BLM: variants seen among roughly 807,000 people sequenced by gnomAD.
BLM encodes the protein recQ-like DNA helicase BLM.
A neutral mutation model predicts 135.3 loss-of-function variants in BLM; 95 were observed. That is an observed-to-expected ratio of 0.70 (90% CI 0.59 to 0.83). BLM has a LOEUF of 0.83. Among genes scored for constraint, BLM ranks in the 40% least tolerant of loss-of-function variants. The pLI is 0.00. For missense variants in BLM, 1,518 were observed against 1,663.9 expected (o/e 0.91, Z 1.53); for synonymous variants, 520 against 589.2 (o/e 0.88, Z 1.70).
At chr15:90,744,463 C>T (rs1895447931) in intron 1 of BLM, among the ~76,000 whole-genome samples, 1 of 152,124 alleles carries the variant, frequency 6.6e-6, no homozygotes, top group African/African-American at 2.4e-5. Flanking sequence ...ACCTCTGCCT[C>T]CCGGGTTCAA....
intron 5 of BLM, 23 bp from the exon 6 acceptor site, chr15:90,760,123 AT>A (rs1895929548): frequency 1.0e-5 from 16 of 1,602,428 alleles, no homozygotes; most frequent in Non-Finnish European, 1.4e-5. Flanking sequence ...AAAGAAAAAT[AT>A]TAACAACATA....
Position 90,815,402 on chromosome 15 carries a change from A to G in BLM, c.*123A>G. 1 of 1,065,228 alleles carries G rather than the reference A, an allele frequency of 9.4e-7. No homozygotes were observed. Among genetic ancestry groups the G allele is most frequent in the African/African-American group, 1.6e-5 (1 of 62,110 alleles). 66.0% of individuals were successfully genotyped at this position (1,065,228 alleles called of 1,614,324 possible). A position where few individuals can be genotyped will look rare whatever the true frequency, so the allele number is the denominator to read the frequency against. ...TTTTACTCGTCTCTATTAATATTTA[A>G]ATAAATGCTGGGGGGTGATAGTTCT... On this transcript the variant is annotated 3_prime_UTR_variant, in exon 22 of 22. Transcript: ENST00000355112. The surrounding 1 kb of genome is among the most constrained non-coding windows in gnomAD (Gnocchi z 4.6).
chr15:90,760,089 C>T lies in BLM; in HGVS notation c.1088-58C>T, dbSNP rs1432335606. ...TACAGTCATGAGCCACCATGCCTAG[C>T]CAAGACTTTTTTTTTTTTCCCTCAA... is the stretch of plus-strand genomic sequence containing the variant. On this transcript the variant is annotated intron_variant, in intron 5 of 21. Coordinates refer to ENST00000355112, the MANE Select transcript of BLM (RefSeq NM_000057.4). 6 of 1,518,830 alleles carry T rather than the reference C, an allele frequency of 4.0e-6. No homozygotes were observed. The South Asian group carries it at 5.8e-5, about 15-fold the overall frequency. The allele number at this position is 1,518,830 out of a possible 1,614,324, so 94.1% of individuals were successfully genotyped here. A position where few individuals can be genotyped will look rare whatever the true frequency, so the allele number is the denominator to read the frequency against.
chr15:90,778,434 A>T (rs1480131072), intron 12 of BLM, among the ~76,000 whole-genome samples: 1 of 152,202 alleles, frequency 6.6e-6, no homozygotes, highest in Admixed American at 6.6e-5. Context: ...AGTTTTTAGT[A>T]TATTCAGAAT....
chr15:90,760,723 G>C lies in BLM; in HGVS notation c.1350G>C (p.Met450Ile). The C allele has an allele frequency of 6.2e-7, 1 of 1,614,106 alleles. No homozygotes were observed. The highest frequency in any genetic ancestry group is 8.5e-7 in the Non-Finnish European group (1 of 1,179,998). ...EGDSCPTGNS[M>I]KELNFSHLPS... ...ATTCCTGCCCTACAGGGAATTCTAT[G>C]AAGGAGTTAAATTTTTCACACCTTC... The change falls in exon 7 of 22, where the codon ATG (methionine) becomes ATC (isoleucine). Residue 450 changes from methionine (M) to isoleucine (I), a missense_variant. By Grantham distance (10) the Met-to-Ile change is conservative. Around this residue, in one of 5 missense-constraint regions of BLM, gnomAD observed 724 missense variants for 756.9 expected, o/e 0.96. Coordinates refer to ENST00000355112, the MANE Select transcript of BLM (RefSeq NM_000057.4).
intron 5 of BLM, among the ~76,000 whole-genome samples, chr15:90,758,290 T>A (rs1326246216): frequency 1.3e-5 from 2 of 151,892 alleles, no homozygotes; most frequent in African/African-American, 4.8e-5. Context: ...GGAGTTCGAG[T>A]CCAGCCTGCC....
intron 20 of BLM, 34 bp downstream of exon 20, chr15:90,809,293 C>T (rs1310876124): frequency 6.2e-7 from 1 of 1,613,868 alleles, no homozygotes; most frequent in Non-Finnish European, 8.5e-7. Flanking sequence ...CTCTAAAAGC[C>T]TGTTTAATGT....
chr15:90,768,395 G>A (rs890710142), intron 10 of BLM, among the ~76,000 whole-genome samples: 1 of 152,100 alleles, frequency 6.6e-6, no homozygotes, highest in African/African-American at 2.4e-5. Flanking sequence ...GACATGTCCC[G>A]GTCAAGATGT....
At chr15:90,798,756 C>T (rs994251779) in intron 17 of BLM, among the ~76,000 whole-genome samples, 1 of 151,052 alleles carries the variant, frequency 6.6e-6, no homozygotes, top group East Asian at 2.0e-4. Flanking sequence ...CCGAGGCGGG[C>T]GGATCACCTG....
rs2151146763 is a variant in BLM, at chr15:90,749,432, CA to C, written c.169del (p.Thr57HisfsTer4). The C allele has an allele frequency of 6.2e-7, 1 of 1,611,916 alleles. No homozygotes were observed. The highest frequency in any genetic ancestry group is 8.5e-7 in the Non-Finnish European group (1 of 1,178,070). On this transcript the variant is annotated frameshift_variant, in exon 3 of 22. Transcript: ENST00000355112. LOFTEE classifies it high-confidence loss of function. ...NNVSVTNVSV[A>X]KTPVLRNKDV... is the part of the protein sequence containing the mutation. ...GTATCTGTAACTAATGTGTCAGTAG[CA>C]AAAACACCTGTATTAAGAAATAAAG...
At chr15:90,753,175 T>C (rs1388766620) in intron 4 of BLM, among the ~76,000 whole-genome samples, 1 of 152,078 alleles carries the variant, frequency 6.6e-6, no homozygotes, top group Non-Finnish European at 1.5e-5. Flanking sequence ...TTCAAGGCTG[T>C]AGTATGCTGT....
At chr15:90,790,606 G>A (rs1190665429) in intron 14 of BLM, 43 bp from the exon 15 acceptor site, 1 of 1,572,344 alleles carries the variant, frequency 6.4e-7, no homozygotes, top group Non-Finnish European at 8.8e-7. Flanking sequence ...GTTCCTTCAA[G>A]TCTGTGCCTT....
chr15:90,806,109 T>G (rs759030214), intron 19 of BLM, among the ~76,000 whole-genome samples: 1 of 152,184 alleles, frequency 6.6e-6, no homozygotes, highest in Non-Finnish European at 1.5e-5. Context: ...AAGCACTGTG[T>G]CATAGTTTAA....
intron 14 of BLM, among the ~76,000 whole-genome samples, chr15:90,787,160 C>T (rs78791431): frequency 0.039 from 5,793 of 148,346 alleles, 137 homozygotes; most frequent in Non-Finnish European, 0.053. Context: ...CGCCATTCTC[C>T]TGCCTCAGCC....
intron 1 of BLM, among the ~76,000 whole-genome samples, chr15:90,726,867 A>G (rs1894931941): frequency 6.6e-6 from 1 of 152,096 alleles, no homozygotes; most frequent in Admixed American, 6.6e-5. Flanking sequence ...TATCTTGGCT[A>G]TTGTGAATAG....
At chr15:90,754,242 C>G (rs1264449957) in intron 4 of BLM, among the ~76,000 whole-genome samples, 2 of 152,090 alleles carry the variant, frequency 1.3e-5, no homozygotes, top group Non-Finnish European at 1.5e-5. Context: ...AGTATTTTTT[C>G]TATGTAATCA....
chr15:90,790,501 A>G, intron 14 of BLM, 148 bp from the exon 15 acceptor site: 1 of 741,368 alleles, frequency 1.3e-6, no homozygotes, highest in Non-Finnish European at 2.3e-6. Context: ...GTTATACTAA[A>G]TAGTTGGACC....
At chr15:90,767,793 T>C (rs1299416462) in intron 10 of BLM, among the ~76,000 whole-genome samples, 2 of 152,196 alleles carry the variant, frequency 1.3e-5, no homozygotes, top group African/African-American at 4.8e-5. Context: ...ACTACGTAAA[T>C]ACCCTGCTAG....
chr15:90,760,686 C>T lies in BLM; in HGVS notation c.1313C>T (p.Pro438Leu), dbSNP rs2151157970. The change falls in exon 7 of 22, where the codon CCT becomes CTT. Residue 438 changes from proline to leucine, a missense_variant. By Grantham distance (98) the Pro-to-Leu change is moderately conservative. This residue lies in a region of BLM where 724 missense variants were observed against 756.9 expected (regional missense o/e 0.96). Coordinates refer to ENST00000355112, the MANE Select transcript of BLM (RefSeq NM_000057.4). ...TACAGGCCTGATTCACTTGATGGCC[C>T]TATGGAGGGTGATTCCTGCCCTACA... ...WRYRPDSLDGPMEGDSCPTGN... is the reference protein window; with the variant it reads ...WRYRPDSLDGLMEGDSCPTGN... 1 of 1,613,990 alleles carries T rather than the reference C, an allele frequency of 6.2e-7. No homozygotes were observed. Among genetic ancestry groups the T allele is most frequent in the Non-Finnish European group, 8.5e-7 (1 of 1,179,914 alleles).
Sources: gnomAD v4.1 joint callset for allele counts (sites outside exome capture counted in the v4.1 genomes callset) on GRCh38, gnomAD v4.1.1 for gene constraint, gnomAD v4.1.1 regional missense constraint, Gnocchi (gnomAD v3.1) non-coding constraint, MANE v1.5 for transcripts, NCBI Gene and HGNC (gene_info 2026-07-23, HGNC 2026-07-21) for gene names.